The following UNK variants were observed in gnomAD, a reference collection of about 807,000 sequenced individuals.
UNK encodes unk zinc finger.
Under a neutral mutation model 97.6 loss-of-function variants are expected in UNK, and 32 were observed. That is an observed-to-expected ratio of 0.33 (90% CI 0.25 to 0.44). The LOEUF is 0.44. UNK is among the 20% of genes least tolerant of loss of function. The pLI, the probability that UNK is intolerant of heterozygous loss-of-function variation, is 1.00. For missense variants in UNK, 771 were observed against 1,098.4 expected (o/e 0.70, Z 4.21); for synonymous variants, 441 against 461.2 (o/e 0.96, Z 0.56).
At chr17:75,805,932 A>G (rs754570189) in intron 1 of UNK, among the ~76,000 whole-genome samples, 1 of 151,450 alleles carries the variant, frequency 6.6e-6, no homozygotes, top group East Asian at 2.0e-4. Context: ...CAACTTTGCA[A>G]ATTGTTATCC....
intron 1 of UNK, among the ~76,000 whole-genome samples, chr17:75,788,588 G>A (rs1048949373): frequency 2.6e-5 from 4 of 152,146 alleles, no homozygotes; most frequent in African/African-American, 7.2e-5. Flanking sequence ...TCCTGACCTC[G>A]TGATCTGCCC....
intron 3 of UNK, 34 bp downstream of exon 3, chr17:75,812,322 A>G: frequency 6.3e-7 from 1 of 1,594,900 alleles, no homozygotes. Flanking sequence ...TGATGGCAGT[A>G]GGCTGGGGTC....
chr17:75,823,210 T>G, intron 14 of UNK, 55 bp from the exon 15 acceptor site: 1 of 1,520,082 alleles, frequency 6.6e-7, no homozygotes, highest in Non-Finnish European at 8.9e-7. Flanking sequence ...TGATGCTCTC[T>G]GGGGACAGGG....
chr17:75,784,994 G>GCCC lies in UNK; in HGVS notation c.104+21_104+23dup, dbSNP rs11335367. The GCCC allele has an allele frequency of 1.4e-5, 15 of 1,073,868 alleles. No homozygotes were observed. Among genetic ancestry groups the GCCC allele is most frequent in the South Asian group, 3.9e-5 (2 of 50,928 alleles). The allele number at this position is 1,073,868 out of a possible 1,614,324, so 66.5% of individuals were successfully genotyped here. A position where few individuals can be genotyped will look rare whatever the true frequency, so the allele number is the denominator to read the frequency against. The stretch of plus-strand genomic sequence containing the variant: ...AACCGCAGCACTACACGTACGTAGA[G>GCCC]CCCCCCCCCCCCCGCCGCGCGCGCA... On this transcript the variant is annotated intron_variant, in intron 1 of 15. Coordinates refer to ENST00000589666, the MANE Select transcript of UNK (RefSeq NM_001080419.3).
intron 1 of UNK, among the ~76,000 whole-genome samples, chr17:75,806,464 A>G (rs796624960): frequency 4.6e-4 from 67 of 146,604 alleles, no homozygotes; most frequent in African/African-American, 1.6e-3. Flanking sequence ...CTCCGTCTCA[A>G]AAAAAAAAAA....
chr17:75,814,332 A>G (rs1013095300), intron 6 of UNK, among the ~76,000 whole-genome samples: 1 of 151,870 alleles, frequency 6.6e-6, no homozygotes, highest in African/African-American at 2.4e-5. Flanking sequence ...TCTCTACTAA[A>G]TGTACAAAAA....
At chr17:75,794,320 G>T in intron 1 of UNK, 1 of 384,626 alleles carries the variant, frequency 2.6e-6, no homozygotes, top group Non-Finnish European at 3.5e-6. Context: ...TACTACTGTT[G>T]TTTTTCCTTT....
At chr17:75,796,958 T>C (rs1455129064) in intron 1 of UNK, among the ~76,000 whole-genome samples, 1 of 152,232 alleles carries the variant, frequency 6.6e-6, no homozygotes, top group Non-Finnish European at 1.5e-5. Context: ...CATTTCTTTT[T>C]AGGAGTTATA....
Position 75,824,354 on chromosome 17 carries a change from C to A in UNK, c.2370C>A (p.Leu790=). ...LPCQHAALCE[L]CAEGSECPIC... ...GCCAACACGCTGCGCTGTGTGAGCT[C>A]TGCGCTGAGGGCAGCGAGTGCCCCA... The change falls in exon 16 of 16, where the codon CTC becomes CTA. Residue 790 remains leucine (L), a synonymous_variant. Transcript: ENST00000589666. The surrounding 1 kb of genome is among the most constrained non-coding windows in gnomAD (Gnocchi z 4.9). The A allele has an allele frequency of 6.3e-7, 1 of 1,596,334 alleles. No homozygotes were observed. The highest frequency in any genetic ancestry group is 1.1e-5 in the South Asian group (1 of 89,182).
At position 75,818,546 on chromosome 17, in the gene UNK, G is replaced by T. The variant is rs1237098231; in HGVS notation, c.1372-96G>T. 1 of 1,388,468 alleles carries T rather than the reference G, an allele frequency of 7.2e-7. No individual in the cohort carries two copies. The highest frequency in any genetic ancestry group is 1.4e-5 in the African/African-American group (1 of 69,084). 86.0% of individuals were successfully genotyped at this position (1,388,468 alleles called of 1,614,324 possible). On this transcript the variant is annotated intron_variant, in intron 10 of 15. Transcript: ENST00000589666. This position sits in a 1 kb window ranked among gnomAD's most constrained non-coding sequence, Gnocchi z 5.1. ...GGGCACCCGGACTAGAGCTAGCACG[G>T]GCCATTTCCCTTGCCCCCAGCCCCT...
chr17:75,787,099 C>A (rs1442229764), intron 1 of UNK, among the ~76,000 whole-genome samples: 1 of 152,212 alleles, frequency 6.6e-6, no homozygotes, highest in Non-Finnish European at 1.5e-5. Flanking sequence ...GCTAGACTTA[C>A]TAGCATTCAG....
intron 4 of UNK, 149 bp downstream of exon 4, chr17:75,812,734 C>T: frequency 7.8e-7 from 1 of 1,276,066 alleles, no homozygotes; most frequent in Admixed American, 2.9e-5. Context: ...CAAAAGGCGC[C>T]TCTAGGGGCG....
intron 1 of UNK, among the ~76,000 whole-genome samples, chr17:75,790,074 C>T (rs571784324): frequency 1.3e-3 from 193 of 152,156 alleles, no homozygotes; most frequent in African/African-American, 4.5e-3. Context: ...ACCTGGGAGG[C>T]GGAGGTTGCA....
At chr17:75,812,726 A>C in intron 4 of UNK, 141 bp downstream of exon 4, 1 of 1,326,060 alleles carries the variant, frequency 7.5e-7, no homozygotes, top group Non-Finnish European at 1.0e-6. Context: ...CCACCATTCA[A>C]AAGGCGCCTC....
At chr17:75,813,241 G>T in intron 5 of UNK, 28 bp downstream of exon 5, 2 of 1,556,534 alleles carry the variant, frequency 1.3e-6, no homozygotes, top group East Asian at 2.4e-5. Context: ...GGCCAGCCAC[G>T]GGAGGGAGGA....
chr17:75,821,901 G>A, intron 13 of UNK: 1 of 358,156 alleles, frequency 2.8e-6, no homozygotes, highest in Non-Finnish European at 5.6e-6. Flanking sequence ...CTCCCTGTCT[G>A]TGTCCTGGCC....
At chr17:75,807,413 G>T (rs1342404915) in intron 1 of UNK, among the ~76,000 whole-genome samples, 1 of 152,148 alleles carries the variant, frequency 6.6e-6, no homozygotes, top group East Asian at 1.9e-4. Flanking sequence ...AACAAAACAG[G>T]ATGCCAGTTA....
intron 1 of UNK, among the ~76,000 whole-genome samples, chr17:75,802,339 A>G (rs2061869178): frequency 6.9e-6 from 1 of 143,966 alleles, no homozygotes; most frequent in Admixed American, 7.4e-5. Context: ...GCTCACTGCA[A>G]CCTCAAACTC....
chr17:75,821,457 G>A (rs1464615249), intron 13 of UNK: 1 of 444,252 alleles, frequency 2.3e-6, no homozygotes, highest in Admixed American at 2.4e-5. Flanking sequence ...GAGATGGGTG[G>A]GACAGGAGAG....
Sources: allele counts gnomAD v4.1 joint callset (sites outside exome capture counted in the v4.1 genomes callset), GRCh38; gene constraint gnomAD v4.1.1; non-coding constraint Gnocchi (gnomAD v3.1); transcripts MANE v1.5; gene names NCBI Gene and HGNC (gene_info 2026-07-23, HGNC 2026-07-21).